SLX9: variants seen among roughly 807,000 people sequenced by gnomAD.
SLX9 encodes SLX9 ribosome biogenesis factor, also known as ribosome biogenesis protein SLX9 homolog.
A neutral mutation model predicts 20.8 loss-of-function variants in SLX9; 19 were observed. The ratio of observed to expected loss-of-function variants is 0.91; its 90% CI spans 0.64 to 1.34. The LOEUF is 1.34. Ranked by LOEUF, SLX9 falls within the 40% of genes most tolerant of loss-of-function variation. SLX9 has a pLI of 0.00. For synonymous variants in SLX9, 113 were observed against 137.1 expected, an observed-to-expected ratio of 0.82 and a Z score of 1.23; for missense variants, 299 against 322.2, an observed-to-expected ratio of 0.93 and a Z score of 0.55.
intron 2 of SLX9, among the ~76,000 whole-genome samples, chr21:44,955,763 G>A (rs2084845732): frequency 1.3e-5 from 2 of 152,228 alleles, no homozygotes; most frequent in South Asian, 4.1e-4. Context: ...CATCACGGCT[G>A]CTGAAGTTTT....
chr21:44,966,534 G>A (rs535925115), intron 3 of SLX9, among the ~76,000 whole-genome samples: 2 of 152,280 alleles, frequency 1.3e-5, no homozygotes, highest in South Asian at 4.1e-4. Context: ...CTTCTCTAGC[G>A]TGGAGGCCTC....
rs1308990486 is a variant in SLX9 at position 44,943,678 on chromosome 21, C to G, written c.130-6C>G. 5 of 1,613,886 alleles carry G rather than the reference C, an allele frequency of 3.1e-6. No individual in the cohort carries two copies. Among genetic ancestry groups the G allele is most frequent in the Non-Finnish European group, 4.2e-6 (5 of 1,179,832 alleles). On this transcript the variant is annotated splice_region_variant and splice_polypyrimidine_tract_variant and intron_variant, in intron 1 of 5. Transcript: ENST00000291634. Reference sequence around the variant, plus strand: ...TCTTTTCGTCCGTTTTTGTTGGGGACATTAGGACTGGGCGTTCATCAACAC... The same window carrying G: ...TCTTTTCGTCCGTTTTTGTTGGGGAGATTAGGACTGGGCGTTCATCAACAC...
chr21:44,947,809 G>C (rs976140178), intron 2 of SLX9, among the ~76,000 whole-genome samples: 1 of 152,090 alleles, frequency 6.6e-6, no homozygotes, highest in Non-Finnish European at 1.5e-5. Flanking sequence ...TCCCCTCCCC[G>C]CCCCAGCTCT....
chr21:44,957,093 C>G (rs576507894), intron 2 of SLX9, among the ~76,000 whole-genome samples: 58 of 152,236 alleles, frequency 3.8e-4, no homozygotes, highest in Middle Eastern at 6.8e-3. Context: ...CTGCGTGCAC[C>G]CATCCCTCTC....
intron 4 of SLX9, among the ~76,000 whole-genome samples, chr21:44,967,842 TGATGTGA>T (rs1364426947): frequency 6.6e-6 from 1 of 152,140 alleles, no homozygotes; most frequent in East Asian, 1.9e-4. Flanking sequence ...GGACGGGGCC[TGATGTGA>T]GTGCGGTTGC....
chr21:44,949,618 T>C (rs1179805660), intron 2 of SLX9, among the ~76,000 whole-genome samples: 1 of 152,132 alleles, frequency 6.6e-6, no homozygotes, highest in African/African-American at 2.4e-5. Flanking sequence ...CCATTGCTGC[T>C]CCGGCAGCCA....
intron 4 of SLX9, among the ~76,000 whole-genome samples, chr21:44,969,739 G>C (rs1313580977): frequency 6.7e-6 from 1 of 148,866 alleles, no homozygotes; most frequent in East Asian, 1.9e-4. Flanking sequence ...GAAATAGTGA[G>C]CGTTAAGTAA....
At chr21:44,960,235 C>T (rs2084929840) in intron 3 of SLX9, 67 bp downstream of exon 3, 9 of 1,451,036 alleles carry the variant, frequency 6.2e-6, no homozygotes, top group Non-Finnish European at 8.7e-6. Context: ...CCTCCTATTC[C>T]TACAGCCTCA....
chr21:44,976,112 G>C (rs1222640534), intron 5 of SLX9, among the ~76,000 whole-genome samples: 1 of 152,256 alleles, frequency 6.6e-6, no homozygotes, highest in Non-Finnish European at 1.5e-5. Context: ...TGTTCCACAG[G>C]GCAGCTCTCT....
intron 4 of SLX9, 95 bp downstream of exon 4, chr21:44,967,276 T>A: frequency 6.9e-7 from 1 of 1,459,324 alleles, no homozygotes; most frequent in Non-Finnish European, 9.1e-7. Flanking sequence ...GCCACGGTGC[T>A]TCCTGAGCCT....
At chr21:44,955,207 CAA>C (rs560489212) in intron 2 of SLX9, among the ~76,000 whole-genome samples, 14 of 138,766 alleles carry the variant, frequency 1.0e-4, no homozygotes, top group Admixed American at 1.4e-4. Context: ...GACTTTGTCT[CAA>C]AAAAAAAAAA....
intron 2 of SLX9, among the ~76,000 whole-genome samples, chr21:44,955,267 G>A (rs1247529370): frequency 6.7e-6 from 1 of 149,130 alleles, no homozygotes; most frequent in Non-Finnish European, 1.5e-5. Context: ...GGGCCCTCCC[G>A]CTTCCCCACT....
intron 1 of SLX9, 121 bp from the exon 2 acceptor site, chr21:44,943,563 C>T: frequency 7.4e-7 from 1 of 1,355,590 alleles, no homozygotes; most frequent in African/African-American, 1.4e-5. Context: ...TCCTCCCGGG[C>T]AGAGAAGCTG....
At chr21:44,943,104 T>C (rs912487234) in intron 1 of SLX9, among the ~76,000 whole-genome samples, 1 of 152,106 alleles carries the variant, frequency 6.6e-6, no homozygotes, top group African/African-American at 2.4e-5. Flanking sequence ...TGCACATGAA[T>C]GGGCTGGGCA....
intron 3 of SLX9, among the ~76,000 whole-genome samples, chr21:44,965,581 G>T (rs1484795041): frequency 6.6e-6 from 1 of 152,202 alleles, no homozygotes; most frequent in Non-Finnish European, 1.5e-5. Flanking sequence ...AGAATCCTCT[G>T]CACACTGGTG....
At chr21:44,951,152 C>T (rs1053815296) in intron 2 of SLX9, among the ~76,000 whole-genome samples, 2 of 152,186 alleles carry the variant, frequency 1.3e-5, no homozygotes, top group African/African-American at 4.8e-5. Flanking sequence ...TGGCCAGCCT[C>T]TTCTGTGCCT....
Position 44,973,119 on chromosome 21 carries a change from G to C in SLX9, c.501-78G>C, listed in dbSNP as rs1024555789. On this transcript the variant is annotated intron_variant, in intron 4 of 5. Transcript: ENST00000291634. ...CACCACGACGTCTGCTCTAAGAAGG[G>C]AGGAGCCAGCCTCTGCCCACGGGAA... The C allele has an allele frequency of 3.5e-5, 53 of 1,530,490 alleles. No individual in the cohort carries two copies. In the Middle Eastern group the frequency reaches 1.2e-3, roughly 34 times the overall value. 94.8% of individuals were successfully genotyped at this position (1,530,490 alleles called of 1,614,324 possible).
chr21:44,943,234 G>T (rs539560238), intron 1 of SLX9, among the ~76,000 whole-genome samples: 1 of 152,188 alleles, frequency 6.6e-6, no homozygotes, highest in Admixed American at 6.5e-5. Flanking sequence ...TGGCAGAGAG[G>T]CTGCTGAGAT....
intron 2 of SLX9, among the ~76,000 whole-genome samples, chr21:44,957,029 C>T (rs1490162853): frequency 2.6e-5 from 4 of 152,234 alleles, no homozygotes; most frequent in South Asian, 2.1e-4. Flanking sequence ...CTGGCTCCTG[C>T]GCGGCAGCGT....
Sources: allele counts gnomAD v4.1 joint callset (sites outside exome capture counted in the v4.1 genomes callset), GRCh38; gene constraint gnomAD v4.1.1; transcripts MANE v1.5; gene names NCBI Gene and HGNC (gene_info 2026-07-23, HGNC 2026-07-21).